The following MMP15 variants were observed in gnomAD, a reference collection of about 807,000 sequenced individuals.
The protein encoded by MMP15 is matrix metallopeptidase 15.
In MMP15, 36 loss-of-function variants were observed where a neutral mutation model predicts 65.0. The observed-to-expected ratio is 0.55, with a 90% CI of 0.42 to 0.73. The LOEUF (loss-of-function observed/expected upper bound fraction) is 0.73, where lower values mean the gene tolerates loss of function less well. Among genes scored for constraint, MMP15 ranks in the 30% least tolerant of loss-of-function variants. The probability of loss-of-function intolerance (pLI) is 0.00; values close to 1 mark genes in which losing one functional copy is unlikely to be tolerated. For synonymous variants in MMP15, 428 were observed against 410.2 expected (o/e 1.04, Z -0.52); for missense variants, 870 against 987.8 (o/e 0.88, Z 1.60).
chr16:58,030,886 T>C (rs1231340642), intron 1 of MMP15, among the ~76,000 whole-genome samples: 1 of 152,098 alleles, frequency 6.6e-6, no homozygotes, highest in East Asian at 1.9e-4. Context: ...AGCAATGGTC[T>C]ATCTGCTTGA....
chr16:58,042,893 C>A (rs1008047623), intron 7 of MMP15, among the ~76,000 whole-genome samples: 7 of 152,146 alleles, frequency 4.6e-5, no homozygotes, highest in African/African-American at 1.7e-4. Context: ...GGGACACAGC[C>A]CCCAGACCCA....
intron 9 of MMP15, among the ~76,000 whole-genome samples, chr16:58,044,150 A>G (rs1959507821): frequency 6.6e-6 from 1 of 152,212 alleles, no homozygotes; most frequent in South Asian, 2.1e-4. Flanking sequence ...TCTCTAGTGC[A>G]TTTAAGAAAA....
At chr16:58,039,655 C>T (rs1322836692) in intron 3 of MMP15, among the ~76,000 whole-genome samples, 1 of 152,246 alleles carries the variant, frequency 6.6e-6, no homozygotes, top group African/African-American at 2.4e-5. Flanking sequence ...GTCTCTCTTA[C>T]TTAAAATCAG....
chr16:58,044,124 T>G (rs1309982812), intron 9 of MMP15, among the ~76,000 whole-genome samples: 1 of 152,228 alleles, frequency 6.6e-6, no homozygotes, highest in Non-Finnish European at 1.5e-5. Flanking sequence ...GTGCCTCTTC[T>G]GTTTCTCTAG....
rs757724743 is a variant in MMP15 at position 58,045,306 on chromosome 16, G to T, written c.1870G>T (p.Val624Leu). Residue 624 changes from valine (V) to leucine (L), a missense_variant, in exon 10 of 10, where the codon GTG becomes TTG. Transcript: ENST00000219271. ...GCAGATGGAGGAGGTGGCACGGACG[G>T]TGAACGTGGTGATGGTGCTGGTGCC... The part of the protein sequence containing the change: ...VVQMEEVART[V>L]NVVMVLVPLL... The T allele has an allele frequency of 1.2e-6, 2 of 1,610,182 alleles. No homozygotes were observed. Among genetic ancestry groups the T allele is most frequent in the African/African-American group, 1.3e-5 (1 of 74,964 alleles).
At position 58,045,924 on chromosome 16, in the gene MMP15, G is replaced by GGACCT. The variant is rs1268529320; in HGVS notation, c.*480_*484dup. On this transcript the variant is annotated 3_prime_UTR_variant, in exon 10 of 10. Coordinates refer to ENST00000219271, the MANE Select transcript of MMP15 (RefSeq NM_002428.4). ...CCCAGGGGCAGCCCCAGGCCAAAGG[G>GGACCT]GACCTGGAAGGGAGGTGGGCCGTGG... 3.7e-5 allele frequency: 6 copies of GGACCT among 163,196 alleles called. No individual in the cohort carries two copies. The highest frequency in any genetic ancestry group is 1.7e-4 in the Admixed American group (3 of 17,768). 10.1% of individuals were successfully genotyped at this position (163,196 alleles called of 1,614,324 possible).
Position 58,038,225 on chromosome 16 carries a change from AG to A in MMP15, c.312-37del, listed in dbSNP as rs41450351. The A allele has an allele frequency of 6.1e-4, 981 of 1,605,332 alleles. 9 individuals are homozygous for A. In the African/African-American group the frequency reaches 0.012, roughly 19 times the overall value. On this transcript the variant is annotated intron_variant, in intron 2 of 9. Coordinates refer to ENST00000219271, the MANE Select transcript of MMP15 (RefSeq NM_002428.4). ...AGTGCCAGAACAGGCAGGTGTGTGGAGGGGAGGCTCCGTGCTCACCCCTCTG... is the reference window on the plus strand; with the variant it reads ...AGTGCCAGAACAGGCAGGTGTGTGGAGGGAGGCTCCGTGCTCACCCCTCTG...
At chr16:58,034,553 C>G (rs1009775185) in intron 1 of MMP15, among the ~76,000 whole-genome samples, 4 of 152,194 alleles carry the variant, frequency 2.6e-5, no homozygotes, top group African/African-American at 7.2e-5. Flanking sequence ...AGCACACTTT[C>G]ACCGGTCAGG....
intron 1 of MMP15, among the ~76,000 whole-genome samples, chr16:58,034,953 C>A (rs1351969964): frequency 6.6e-6 from 1 of 151,958 alleles, no homozygotes; most frequent in African/African-American, 2.4e-5. Context: ...TCCTGTCGCT[C>A]CGCAGATACC....
Position 58,045,414 on chromosome 16 carries a change from T to A in MMP15, c.1978T>A (p.Tyr660Asn), listed in dbSNP as rs781179878. ...CAAGGGTGCGCCACGTGTCCTGCTT[T>A]ACTGCAAGCGCTCGCTGCAGGAGTG... ...QRKGAPRVLL[Y>N]CKRSLQEWV The change falls in exon 10 of 10, where the codon TAC (tyrosine) becomes AAC (asparagine). Residue 660 changes from tyrosine (Y) to asparagine (N), a missense_variant. Tyr to Asn is a moderately radical substitution (Grantham distance 143, BLOSUM62 -2). Transcript: ENST00000219271. 4 of 1,562,048 alleles carry A rather than the reference T, an allele frequency of 2.6e-6. No homozygotes were observed. The highest frequency in any genetic ancestry group is 3.5e-6 in the Non-Finnish European group (4 of 1,155,018).
intron 1 of MMP15, among the ~76,000 whole-genome samples, chr16:58,029,046 C>T (rs1311450514): frequency 6.6e-6 from 1 of 152,242 alleles, no homozygotes; most frequent in Admixed American, 6.5e-5. Context: ...TTCAGGTCCT[C>T]AGCCTGCTCT....
intron 3 of MMP15, 47 bp downstream of exon 3, chr16:58,038,441 G>A (rs370932363): frequency 6.5e-5 from 104 of 1,608,522 alleles, no homozygotes; most frequent in Non-Finnish European, 7.4e-5. Context: ...TCGGCAGGCC[G>A]AGCCTCAGAC....
chr16:58,028,554 G>T (rs41446445), intron 1 of MMP15, among the ~76,000 whole-genome samples: 1 of 152,180 alleles, frequency 6.6e-6, no homozygotes, highest in Admixed American at 6.5e-5. Context: ...GGGGGCTGTG[G>T]CCTCAGACTC....
intron 1 of MMP15, among the ~76,000 whole-genome samples, chr16:58,030,046 C>T (rs972814869): frequency 4.6e-5 from 7 of 152,140 alleles, no homozygotes; most frequent in Admixed American, 1.3e-4. Flanking sequence ...CTATGAGAAC[C>T]ACTACTTTCC....
At chr16:58,027,457 TA>T (rs1963838113) in intron 1 of MMP15, among the ~76,000 whole-genome samples, 1 of 152,146 alleles carries the variant, frequency 6.6e-6, no homozygotes, top group Non-Finnish European at 1.5e-5. Flanking sequence ...CTGCCCCAGA[TA>T]GGCGGGGAGA....
chr16:58,030,019 G>A (rs1351253099), intron 1 of MMP15, among the ~76,000 whole-genome samples: 1 of 152,112 alleles, frequency 6.6e-6, no homozygotes, highest in African/African-American at 2.4e-5. Flanking sequence ...TCTGCCTCAG[G>A]CTAGCTGTGG....
chr16:58,044,958 T>C, intron 9 of MMP15, 49 bp from the exon 10 acceptor site: 2 of 1,601,890 alleles, frequency 1.2e-6, no homozygotes, highest in Non-Finnish European at 1.7e-6. Context: ...TGGTTCTCAC[T>C]GGTGGTTCGG....
intron 1 of MMP15, among the ~76,000 whole-genome samples, chr16:58,027,978 C>T (rs1318130609): frequency 6.6e-6 from 1 of 152,238 alleles, no homozygotes; most frequent in Non-Finnish European, 1.5e-5. Context: ...GCCCACCTGC[C>T]ACTCTGGGCT....
chr16:58,037,672 C>G, intron 2 of MMP15, 52 bp downstream of exon 2: 1 of 1,611,902 alleles, frequency 6.2e-7, no homozygotes, highest in South Asian at 1.1e-5. Context: ...TCCATCTGGC[C>G]TGCTCTCAAG....
Sources: gnomAD v4.1 joint callset for allele counts (sites outside exome capture counted in the v4.1 genomes callset) on GRCh38, gnomAD v4.1.1 for gene constraint, MANE v1.5 for transcripts, NCBI Gene and HGNC (gene_info 2026-07-23, HGNC 2026-07-21) for gene names.